Variants in FXR1 observed in about 807,000 individuals in gnomAD.
The protein encoded by FXR1 is RNA-binding protein FXR1.
In FXR1, 15 loss-of-function variants were observed where a neutral mutation model predicts 84.0. The ratio of observed to expected loss-of-function variants is 0.18; its 90% CI spans 0.12 to 0.27. FXR1 has a LOEUF of 0.27. Among genes scored for constraint, FXR1 ranks in the 10% least tolerant of loss-of-function variants. FXR1 has a pLI of 1.00. For synonymous variants in FXR1, 245 were observed against 250.7 expected (o/e 0.98, Z 0.21); for missense variants, 480 against 774.4 (o/e 0.62, Z 4.51).
At chr3:180,930,208 A>G (rs1018496454) in intron 1 of FXR1, among the ~76,000 whole-genome samples, 3 of 152,130 alleles carry the variant, frequency 2.0e-5, no homozygotes, top group Non-Finnish European at 4.4e-5. Flanking sequence ...GGTTGCGGCC[A>G]GCTGAGATTG....
At chr3:180,968,449 T>C in intron 14 of FXR1, 195 bp downstream of exon 14, 1 of 517,458 alleles carries the variant, frequency 1.9e-6, no homozygotes. Flanking sequence ...TTACTTAGAA[T>C]ATACTGGTCA....
chr3:180,929,062 T>C (rs1320171610), intron 1 of FXR1, among the ~76,000 whole-genome samples: 2 of 151,998 alleles, frequency 1.3e-5, no homozygotes, highest in East Asian at 3.9e-4. Context: ...GCTGGGATTA[T>C]AGTCATGCGC....
intron 1 of FXR1, among the ~76,000 whole-genome samples, chr3:180,926,164 G>T (rs1258982584): frequency 6.6e-6 from 1 of 151,966 alleles, no homozygotes; most frequent in Non-Finnish European, 1.5e-5. Flanking sequence ...GCCAAATCTA[G>T]AGAGAAAAAT....
At chr3:180,915,658 T>A (rs1560153516) in intron 1 of FXR1, 1 of 707,406 alleles carries the variant, frequency 1.4e-6, no homozygotes, top group South Asian at 1.5e-5. Context: ...TTTTTTCCCC[T>A]CCTCTTACCC....
Position 180,949,362 on chromosome 3 carries a change from A to T in FXR1, c.630+19A>T. On this transcript the variant is annotated intron_variant, in intron 7 of 16. Coordinates refer to ENST00000357559, the MANE Select transcript of FXR1 (RefSeq NM_005087.4). The stretch of plus-strand genomic sequence containing the variant: ...TTTAGAAGTAAGTGGGTTTACTTAC[A>T]AAAGAGTTTTCTGTGTCCCATTTAG... 1 of 1,107,652 alleles carries T rather than the reference A, an allele frequency of 9.0e-7. No individual in the cohort carries two copies. Among genetic ancestry groups the T allele is most frequent in the South Asian group, 1.2e-5 (1 of 81,046 alleles). The allele number at this position is 1,107,652 out of a possible 1,614,324, so 68.6% of individuals were successfully genotyped here.
At chr3:180,959,461 G>A (rs986209983) in intron 10 of FXR1, among the ~76,000 whole-genome samples, 2 of 151,986 alleles carry the variant, frequency 1.3e-5, no homozygotes, top group Non-Finnish European at 2.9e-5. Context: ...TAGGTAACTA[G>A]ATGAAATTGG....
chr3:180,971,078 A>G, intron 15 of FXR1: 1 of 1,225,898 alleles, frequency 8.2e-7, no homozygotes, highest in Non-Finnish European at 1.1e-6. Context: ...ATTACAGATG[A>G]TAGTGAAAAA....
chr3:180,926,504 ATATTT>A (rs1719220538), intron 1 of FXR1, among the ~76,000 whole-genome samples: 1 of 95,328 alleles, frequency 1.0e-5, no homozygotes, highest in Non-Finnish European at 2.3e-5. Context: ...ATATATATAT[ATATTT>A]TTTTTTCTGG....
intron 3 of FXR1, among the ~76,000 whole-genome samples, chr3:180,938,097 T>C (rs1486685170): frequency 3.3e-5 from 5 of 152,202 alleles, no homozygotes; most frequent in Non-Finnish European, 5.9e-5. Context: ...CTCAAAATTA[T>C]TTGGTGTGGA....
chr3:180,952,428 AC>A (rs1722317199), intron 8 of FXR1, among the ~76,000 whole-genome samples: 1 of 152,186 alleles, frequency 6.6e-6, no homozygotes, highest in Admixed American at 6.5e-5. Context: ...ACGGTGGCTC[AC>A]GTCTGTAACC....
chr3:180,961,367 A>G (rs1364708607), intron 10 of FXR1, 101 bp from the exon 11 acceptor site: 6 of 116,510 alleles, frequency 5.1e-5, no homozygotes, highest in East Asian at 4.1e-4. Flanking sequence ...AAAAAAAAAA[A>G]GGTGTGTGTG....
chr3:180,926,259 T>C (rs1337891707), intron 1 of FXR1, among the ~76,000 whole-genome samples: 1 of 152,076 alleles, frequency 6.6e-6, no homozygotes, highest in Admixed American at 6.6e-5. Flanking sequence ...TGACAAACTA[T>C]GTAAGAATAC....
intron 1 of FXR1, among the ~76,000 whole-genome samples, chr3:180,918,937 G>C (rs993897095): frequency 6.6e-6 from 1 of 152,202 alleles, no homozygotes; most frequent in East Asian, 1.9e-4. Context: ...GTTAGATGCT[G>C]ATTCAAGATT....
chr3:180,969,979 A>C (rs888580882), intron 14 of FXR1, among the ~76,000 whole-genome samples, 179 bp from the exon 15 acceptor site: 1 of 152,150 alleles, frequency 6.6e-6, no homozygotes, highest in Non-Finnish European at 1.5e-5. Context: ...GTTTTATCAT[A>C]TTTAATTATC....
At chr3:180,928,979 A>C (rs1003925969) in intron 1 of FXR1, among the ~76,000 whole-genome samples, 6 of 151,730 alleles carry the variant, frequency 4.0e-5, no homozygotes, top group Non-Finnish European at 8.8e-5. Context: ...CTGGAGTGCA[A>C]TGCGCTTTCT....
rs1426431658 is a variant in FXR1, at chr3:180,961,354, AAAAAAAAAAAAAAG to A, written c.991-113_991-100del. ...GACGTCATCTCAAAAAAAAAAAAAA[AAAAAAAAAAAAAAG>A]GTGTGTGTGTGTGTGCCTGCCTGTC... On this transcript the variant is annotated intron_variant, in intron 10 of 16. Coordinates refer to ENST00000357559, the MANE Select transcript of FXR1 (RefSeq NM_005087.4). 967 of 445,158 alleles carry A rather than the reference AAAAAAAAAAAAAAG, an allele frequency of 2.2e-3. 1 individual carries two copies. The highest frequency in any genetic ancestry group is 8.6e-3 in the African/African-American group (394 of 45,624). The allele number at this position is 445,158 out of a possible 1,614,324, so 27.6% of individuals were successfully genotyped here. A position where few individuals can be genotyped will look rare whatever the true frequency, so the allele number is the denominator to read the frequency against.
Position 180,976,392 on chromosome 3 carries a change from C to T in FXR1, c.*100C>T, listed in dbSNP as rs1478535557. The stretch of plus-strand genomic sequence containing the variant: ...GAATATGGATCGCCAGTCTTTACAT[C>T]GCACTTTCAGTTCCTCCATTTGGAA... On this transcript the variant is annotated 3_prime_UTR_variant, in exon 17 of 17. Coordinates refer to ENST00000357559, the MANE Select transcript of FXR1 (RefSeq NM_005087.4). The T allele has an allele frequency of 9.4e-6, 7 of 746,232 alleles. No individual in the cohort carries two copies. Among genetic ancestry groups the T allele is most frequent in the Admixed American group, 8.7e-5 (3 of 34,520 alleles). 46.2% of individuals were successfully genotyped at this position (746,232 alleles called of 1,614,324 possible). A position where few individuals can be genotyped will look rare whatever the true frequency, so the allele number is the denominator to read the frequency against.
rs757100259 is a variant in FXR1 at position 180,963,079 on chromosome 3, C to T, written c.1187C>T (p.Thr396Ile). 2.3e-5 allele frequency: 35 copies of T among 1,512,012 alleles called. No individual in the cohort carries two copies. In the Admixed American group the frequency reaches 6.7e-4, roughly 29 times the overall value. The allele number at this position is 1,512,012 out of a possible 1,614,324, so 93.7% of individuals were successfully genotyped here. A position where few individuals can be genotyped will look rare whatever the true frequency, so the allele number is the denominator to read the frequency against. ...RGRGRRGPNYTSGYGTNSELS... is the reference protein window; with the variant it reads ...RGRGRRGPNYISGYGTNSELS... ...AGAGGTCGTCGGGGACCTAATTACA[C>T]CTCCGGTTATGGTAAAAAAAAATTT... The change falls in exon 13 of 17, where the codon ACC (threonine) becomes ATC (isoleucine). Residue 396 changes from threonine to isoleucine, a missense_variant. Around this residue, in one of 6 missense-constraint regions of FXR1, gnomAD observed 157 missense variants for 227.8 expected, o/e 0.69. Coordinates refer to ENST00000357559, the MANE Select transcript of FXR1 (RefSeq NM_005087.4).
At chr3:180,934,408 A>G (rs945639125) in intron 2 of FXR1, among the ~76,000 whole-genome samples, 4 of 152,214 alleles carry the variant, frequency 2.6e-5, no homozygotes, top group African/African-American at 9.6e-5. Context: ...ATGAGAAATT[A>G]GAGTAGGGAA....
Sources: allele counts gnomAD v4.1 joint callset (sites outside exome capture counted in the v4.1 genomes callset), GRCh38; gene constraint gnomAD v4.1.1; regional missense constraint gnomAD v4.1.1; transcripts MANE v1.5; gene names NCBI Gene and HGNC (gene_info 2026-07-23, HGNC 2026-07-21).